Variants in RAB38 observed in about 807,000 individuals in gnomAD.
RAB38 encodes ras-related protein Rab-38.
RAB38 carries 15 observed loss-of-function variants against 18.4 expected under a neutral mutation model. The observed-to-expected ratio is 0.82, with a 90% CI of 0.55 to 1.26. The LOEUF is 1.26. RAB38 is among the 50% of genes most tolerant of loss of function. RAB38 has a pLI of 0.00. For missense variants in RAB38, 294 were observed against 267.4 expected, an observed-to-expected ratio of 1.10 and a Z score of -0.69; for synonymous variants, 101 against 104.4, an observed-to-expected ratio of 0.97 and a Z score of 0.20.
chr11:87,910,633 CTTTTTTTTTTT>C, the RAB38 span, among the ~76,000 whole-genome samples: 1 of 131,104 alleles, frequency 7.6e-6, no homozygotes, highest in Admixed American at 8.2e-5. Context: ...AGTTCATTTT[CTTTTTTTTTTT>C]TTTTTTTTTT....
At chr11:87,823,236 C>A in the RAB38 span, among the ~76,000 whole-genome samples, 2 of 151,962 alleles carry the variant, frequency 1.3e-5, no homozygotes, top group East Asian at 3.9e-4. Context: ...TACTGAAAAC[C>A]AGAAAACATT....
the RAB38 span, among the ~76,000 whole-genome samples, chr11:87,809,843 C>A: frequency 6.6e-5 from 10 of 152,160 alleles, no homozygotes; most frequent in East Asian, 1.2e-3. Context: ...TTGATAGTTT[C>A]TTTTTTCAAG....
the RAB38 span, among the ~76,000 whole-genome samples, chr11:88,020,344 A>G: frequency 2.6e-5 from 4 of 152,224 alleles, no homozygotes; most frequent in Non-Finnish European, 5.9e-5. Context: ...AAAAACTGTA[A>G]GAAGAGACAA....
chr11:87,857,986 T>C, the RAB38 span, among the ~76,000 whole-genome samples: 2 of 152,190 alleles, frequency 1.3e-5, no homozygotes, highest in African/African-American at 4.8e-5. Flanking sequence ...CTAGGGTTTT[T>C]ATGGTTTTAG....
At chr11:88,100,044 T>G in the RAB38 span, 1 of 151,818 alleles carries the variant, frequency 6.6e-6, no homozygotes, top group African/African-American at 2.4e-5. Flanking sequence ...CACAGTCAGT[T>G]ACAGATCAAA....
chr11:87,940,279 G>A, the RAB38 span, among the ~76,000 whole-genome samples: 1 of 151,982 alleles, frequency 6.6e-6, no homozygotes, highest in Non-Finnish European at 1.5e-5. Context: ...CATGGTCTTA[G>A]TCTAATCTGC....
chr11:88,147,100 A>G (rs892130920), intron 2 of RAB38, among the ~76,000 whole-genome samples: 1 of 152,220 alleles, frequency 6.6e-6, no homozygotes, highest in African/African-American at 2.4e-5. Flanking sequence ...AAGCTTCCCC[A>G]CAGATTCATA....
the RAB38 span, among the ~76,000 whole-genome samples, chr11:87,952,023 A>G: frequency 0.024 from 3,578 of 152,070 alleles, 142 homozygotes; most frequent in African/African-American, 0.082. Flanking sequence ...CTCCTCCCCT[A>G]CTGGCCTGGA....
At chr11:88,118,737 G>A (rs1565208689) in intron 2 of RAB38, among the ~76,000 whole-genome samples, 1 of 152,142 alleles carries the variant, frequency 6.6e-6, no homozygotes, top group African/African-American at 2.4e-5. Flanking sequence ...GGTAATGCGT[G>A]TTCTTCTTTG....
At chr11:87,861,348 C>G in the RAB38 span, among the ~76,000 whole-genome samples, 2 of 151,940 alleles carry the variant, frequency 1.3e-5, no homozygotes, top group Admixed American at 1.3e-4. Context: ...AAAAGCAGAG[C>G]TTTCAGTGGA....
At chr11:87,899,584 G>A in the RAB38 span, among the ~76,000 whole-genome samples, 1 of 151,512 alleles carries the variant, frequency 6.6e-6, no homozygotes, top group Non-Finnish European at 1.5e-5. Context: ...AAAGTTTCTA[G>A]ACAAAAAGAA....
chr11:88,112,963 T>C (rs190347305), downstream of RAB38, among the ~76,000 whole-genome samples: 93 of 152,268 alleles, frequency 6.1e-4, 1 homozygote, highest in Non-Finnish European at 1.6e-4. Context: ...TGTTGATTGA[T>C]CTGGCACCTT....
downstream of RAB38, among the ~76,000 whole-genome samples, chr11:88,111,355 T>C (rs1220451979): frequency 6.6e-6 from 1 of 152,142 alleles, no homozygotes; most frequent in African/African-American, 2.4e-5. Context: ...TTGATCATTA[T>C]GGTGAATGAC....
the RAB38 span, among the ~76,000 whole-genome samples, chr11:88,072,590 G>T: frequency 1.3e-5 from 2 of 152,052 alleles, no homozygotes; most frequent in Non-Finnish European, 2.9e-5. Flanking sequence ...ATCTCTGAGA[G>T]CCCCAAGCAG....
the RAB38 span, among the ~76,000 whole-genome samples, chr11:88,048,845 TG>T: frequency 6.6e-6 from 1 of 152,206 alleles, no homozygotes; most frequent in East Asian, 1.9e-4. Context: ...TAATCTTTGC[TG>T]GCAGGGCTAT....
At chr11:87,940,288 G>C in the RAB38 span, among the ~76,000 whole-genome samples, 1 of 152,018 alleles carries the variant, frequency 6.6e-6, no homozygotes, top group African/African-American at 2.4e-5. Flanking sequence ...AGTCTAATCT[G>C]CTGCCTAGTT....
chr11:88,060,896 G>A, the RAB38 span, among the ~76,000 whole-genome samples: 1 of 152,204 alleles, frequency 6.6e-6, no homozygotes, highest in Non-Finnish European at 1.5e-5. Flanking sequence ...AAGGTGATAT[G>A]TTAGGAACTG....
chr11:88,088,676 T>G, the RAB38 span, among the ~76,000 whole-genome samples: 1 of 151,920 alleles, frequency 6.6e-6, no homozygotes, highest in Non-Finnish European at 1.5e-5. Flanking sequence ...AGTTTTTTTT[T>G]TAGGTGTCTT....
chr11:87,813,151 C>A, the RAB38 span, among the ~76,000 whole-genome samples: 2 of 152,214 alleles, frequency 1.3e-5, no homozygotes, highest in East Asian at 3.9e-4. Flanking sequence ...TAAGAGAATG[C>A]AGATGGTATT....
Sources: allele counts gnomAD v4.1 joint callset (sites outside exome capture counted in the v4.1 genomes callset), GRCh38; gene constraint gnomAD v4.1.1; transcripts MANE v1.5; gene names NCBI Gene and HGNC (gene_info 2026-07-23, HGNC 2026-07-21).